Variants in RAB2A observed in about 807,000 individuals in gnomAD.
The protein encoded by RAB2A is RAB2A, member RAS oncogene family, also known as ras-related protein Rab-2A.
A neutral mutation model predicts 32.5 loss-of-function variants in RAB2A; 7 were observed. The ratio of observed to expected loss-of-function variants is 0.22; its 90% CI spans 0.12 to 0.40. RAB2A has a LOEUF of 0.40. Among genes scored for constraint, RAB2A ranks in the 10% least tolerant of loss-of-function variants. The pLI is 1.00. For synonymous variants in RAB2A, 79 were observed against 85.2 expected, an observed-to-expected ratio of 0.93 and a Z score of 0.40; for missense variants, 108 against 260.7, an observed-to-expected ratio of 0.41 and a Z score of 4.03.
chr8:60,614,635 G>A (rs1563487851), intron 6 of RAB2A, among the ~76,000 whole-genome samples: 1 of 152,164 alleles, frequency 6.6e-6, no homozygotes, highest in African/African-American at 2.4e-5. Context: ...ATGTTTATTT[G>A]AATTAGAACA....
chr8:60,524,664 C>G (rs1807351723), intron 1 of RAB2A, among the ~76,000 whole-genome samples: 1 of 152,192 alleles, frequency 6.6e-6, no homozygotes, highest in Non-Finnish European at 1.5e-5. Flanking sequence ...TTTCTTAACT[C>G]AAACTATTAA....
chr8:60,532,043 G>A (rs1807485086), intron 1 of RAB2A, among the ~76,000 whole-genome samples: 1 of 152,150 alleles, frequency 6.6e-6, no homozygotes, highest in Non-Finnish European at 1.5e-5. Context: ...GACCTCAGGT[G>A]ATCCACTCGC....
intron 1 of RAB2A, among the ~76,000 whole-genome samples, chr8:60,545,321 T>C (rs920172230): frequency 6.6e-6 from 1 of 152,192 alleles, no homozygotes; most frequent in African/African-American, 2.4e-5. Context: ...TTTTTATTTT[T>C]GGAGATAAGG....
intron 6 of RAB2A, 70 bp downstream of exon 6, chr8:60,592,039 CTTA>C (rs1403412576): frequency 8.5e-6 from 8 of 941,210 alleles, no homozygotes; most frequent in East Asian, 2.7e-5. Flanking sequence ...CTTCATTTTA[CTTA>C]TTATTTAAGT....
chr8:60,595,127 A>G (rs139768109), intron 6 of RAB2A, among the ~76,000 whole-genome samples: 5,186 of 152,320 alleles, frequency 0.034, 112 homozygotes, highest in Middle Eastern at 0.061. Flanking sequence ...TTCTAATAGA[A>G]GTGAAATGAT....
chr8:60,591,138 T>G (rs1461279876), intron 5 of RAB2A, among the ~76,000 whole-genome samples: 3 of 151,758 alleles, frequency 2.0e-5, no homozygotes, highest in Non-Finnish European at 2.9e-5. Context: ...ATAATAAAGT[T>G]TTTTAACTTT....
chr8:60,555,523 A>G (rs966063696), intron 1 of RAB2A, among the ~76,000 whole-genome samples: 1 of 152,178 alleles, frequency 6.6e-6, no homozygotes, highest in Non-Finnish European at 1.5e-5. Context: ...TAAAAAAAAA[A>G]TCTGATTTAA....
intron 1 of RAB2A, among the ~76,000 whole-genome samples, chr8:60,546,392 C>T (rs1807727535): frequency 6.6e-6 from 1 of 152,192 alleles, no homozygotes; most frequent in South Asian, 2.1e-4. Context: ...GACTTGAATG[C>T]ATGTGTCAAA....
chr8:60,600,184 C>G (rs1186715918), intron 6 of RAB2A, among the ~76,000 whole-genome samples: 1 of 151,960 alleles, frequency 6.6e-6, no homozygotes, highest in East Asian at 1.9e-4. Flanking sequence ...ACATCAGTAG[C>G]CATTAGGGAA....
At chr8:60,594,284 A>G (rs544018834) in intron 6 of RAB2A, among the ~76,000 whole-genome samples, 43 of 152,324 alleles carry the variant, frequency 2.8e-4, no homozygotes, top group African/African-American at 9.9e-4. Context: ...GACAGCCCCA[A>G]AGAGGTTAAA....
intron 3 of RAB2A, among the ~76,000 whole-genome samples, chr8:60,573,533 C>G (rs192172213): frequency 3.3e-5 from 5 of 152,242 alleles, no homozygotes; most frequent in African/African-American, 4.8e-5. Flanking sequence ...ATTGTCCACT[C>G]GACTCTGGGT....
chr8:60,610,657 A>T (rs182513470), intron 6 of RAB2A, among the ~76,000 whole-genome samples: 89 of 152,332 alleles, frequency 5.8e-4, no homozygotes, highest in African/African-American at 2.1e-3. Context: ...GCTGACTAGC[A>T]TCAGCTTCTT....
intron 3 of RAB2A, among the ~76,000 whole-genome samples, chr8:60,577,693 G>C (rs573471216): frequency 6.6e-6 from 1 of 151,360 alleles, no homozygotes; most frequent in Non-Finnish European, 1.5e-5. Context: ...GCGTGATCTC[G>C]GCTCACTGCA....
In RAB2A at chr8:60,621,671, C is replaced by A. The variant is rs565190316; in HGVS notation, c.*902C>A. On this transcript the variant is annotated 3_prime_UTR_variant, in exon 8 of 8. Transcript: ENST00000262646. ...GCACATTATGAGGACTTTAATCTTT[C>A]CTTAAACACAATAATGTTTTCTTTT... is the stretch of plus-strand genomic sequence containing the variant. The A allele has an allele frequency of 6.6e-6, 1 of 152,232 alleles. No homozygotes were observed. The highest frequency in any genetic ancestry group is 2.4e-5 in the African/African-American group (1 of 41,538). The allele number at this position is 152,232 out of a possible 1,614,324, so 9.4% of individuals were successfully genotyped here.
intron 1 of RAB2A, among the ~76,000 whole-genome samples, chr8:60,547,956 G>A (rs1377774881): frequency 3.1e-4 from 25 of 81,760 alleles, no homozygotes; most frequent in African/African-American, 1.3e-3. Flanking sequence ...AGGGGCGGCC[G>A]GGCAGAGGCG....
Position 60,618,596 on chromosome 8 carries a change from C to T in RAB2A, c.491C>T (p.Ala164Val). The change falls in exon 7 of 8, where the codon GCA becomes GTA. Residue 164 changes from alanine to valine, a missense_variant. By Grantham distance (64) the Ala-to-Val change is moderately conservative (BLOSUM62 0). Around this residue, in one of 4 missense-constraint regions of RAB2A, gnomAD observed 79 missense variants for 199.8 expected, o/e 0.40. Transcript: ENST00000262646. ...ATATTTCAGGCATTTATTAATACAG[C>T]AAAAGAAATTTATGAAAAAATTCAA... ...SNVEEAFINT[A>V]KEIYEKIQEG... The T allele has an allele frequency of 1.6e-6, 2 of 1,226,880 alleles. No individual in the cohort carries two copies. Among genetic ancestry groups the T allele is most frequent in the Non-Finnish European group, 2.2e-6 (2 of 916,894 alleles). The allele number at this position is 1,226,880 out of a possible 1,614,324, so 76.0% of individuals were successfully genotyped here.
chr8:60,602,141 G>C (rs368363194), intron 6 of RAB2A, among the ~76,000 whole-genome samples: 2 of 151,908 alleles, frequency 1.3e-5, no homozygotes, highest in African/African-American at 4.8e-5. Flanking sequence ...GCCTCCCAAC[G>C]TGCTGGGATT....
intron 3 of RAB2A, among the ~76,000 whole-genome samples, chr8:60,581,084 C>T (rs573459358): frequency 2.0e-5 from 3 of 152,268 alleles, no homozygotes; most frequent in African/African-American, 7.2e-5. Context: ...CCTGAAATTG[C>T]AGATAGTGCT....
intron 5 of RAB2A, among the ~76,000 whole-genome samples, chr8:60,585,549 G>A (rs1045178412): frequency 6.6e-6 from 1 of 152,130 alleles, no homozygotes; most frequent in African/African-American, 2.4e-5. Flanking sequence ...CTAACCTCAA[G>A]TGATTCTCCC....
Sources: gnomAD v4.1 joint callset for allele counts (sites outside exome capture counted in the v4.1 genomes callset) on GRCh38, gnomAD v4.1.1 for gene constraint, gnomAD v4.1.1 regional missense constraint, MANE v1.5 for transcripts, NCBI Gene and HGNC (gene_info 2026-07-23, HGNC 2026-07-21) for gene names.